POLR1A: variants seen among roughly 807,000 people sequenced by gnomAD.
The protein encoded by POLR1A is RNA polymerase I subunit A, also known as DNA-directed RNA polymerase I subunit RPA1.
POLR1A carries 84 observed loss-of-function variants against 205.3 expected under a neutral mutation model. The observed-to-expected ratio is 0.41, with a 90% confidence interval of 0.34 to 0.49. The LOEUF (loss-of-function observed/expected upper bound fraction) is 0.49, where lower values mean the gene tolerates loss of function less well. Among genes scored for constraint, POLR1A ranks in the 20% least tolerant of loss-of-function variants. The pLI, the probability that POLR1A is intolerant of heterozygous loss-of-function variation, is 0.22. For missense variants in POLR1A, 1,645 were observed against 2,204.5 expected, an observed-to-expected ratio of 0.75 and a Z score of 5.08; for synonymous variants, 799 against 863.7, an observed-to-expected ratio of 0.93 and a Z score of 1.31.
chr2:86,058,088 T>TA (rs554447440), intron 14 of POLR1A, among the ~76,000 whole-genome samples: 1 of 152,002 alleles, frequency 6.6e-6, no homozygotes, highest in Admixed American at 6.6e-5. Flanking sequence ...TACTCTACTC[T>TA]CTCTACTCTA....
At chr2:86,104,442 G>A (rs1157681638) in intron 1 of POLR1A, among the ~76,000 whole-genome samples, 1 of 128,468 alleles carries the variant, frequency 7.8e-6, no homozygotes, top group African/African-American at 2.9e-5. Context: ...GGGATGCCGT[G>A]TTGAGTTTTT....
chr2:86,075,765 C>T (rs1484535664), intron 11 of POLR1A, among the ~76,000 whole-genome samples: 1 of 152,240 alleles, frequency 6.6e-6, no homozygotes, highest in African/African-American at 2.4e-5. Context: ...GCCTCGGCCT[C>T]CCAAAGTGCT....
At chr2:86,031,921 T>C (rs927186354) in intron 29 of POLR1A, among the ~76,000 whole-genome samples, 3 of 152,210 alleles carry the variant, frequency 2.0e-5, no homozygotes, top group African/African-American at 7.2e-5. Flanking sequence ...TCGGCCATTA[T>C]GACAGCAGGA....
chr2:86,092,314 C>A (rs1463299174), intron 3 of POLR1A, among the ~76,000 whole-genome samples: 2 of 152,098 alleles, frequency 1.3e-5, no homozygotes, highest in African/African-American at 4.8e-5. Context: ...CTGTTAGAAA[C>A]GATATTGATT....
At position 86,021,324 on chromosome 2, in the gene POLR1A, T is replaced by A. The variant is rs1447017714; in HGVS notation, c.*6099A>T. On this transcript the variant is annotated 3_prime_UTR_variant, in exon 34 of 34. Transcript: ENST00000263857. The stretch of plus-strand genomic sequence containing the variant: ...GGAAGACCCCAGCTTGCAAAAGACA[T>A]AGAGGCAGCACTGTGACTGGAACTG... 1 of 152,262 alleles carries A rather than the reference T, an allele frequency of 6.6e-6. No individual in the cohort carries two copies. The highest frequency in any genetic ancestry group is 2.4e-5 in the African/African-American group (1 of 41,416). The allele number at this position is 152,262 out of a possible 1,614,324, so 9.4% of individuals were successfully genotyped here.
chr2:86,055,546 G>C (rs1027588390), intron 14 of POLR1A, among the ~76,000 whole-genome samples: 9 of 152,214 alleles, frequency 5.9e-5, no homozygotes, highest in Non-Finnish European at 2.9e-5. Context: ...ACGTCCTGGG[G>C]TGCCTACTTC....
rs752170025 is a variant in POLR1A at position 86,049,196 on chromosome 2, T to C, written c.2439A>G (p.Gln813=). The change falls in exon 17 of 34, where the codon CAA becomes CAG. Residue 813 remains glutamine (Q), a synonymous_variant. Transcript: ENST00000263857. ...LVKPKADVKR[Q]RIIEESTHCG... ...AGTGGGTGGATTCTTCAATGATACG[T>C]TGCCTCTTGACATCTGCCTTTGGCT... The C allele has an allele frequency of 2.5e-6, 4 of 1,614,088 alleles. No homozygotes were observed. Among genetic ancestry groups the C allele is most frequent in the East Asian group, 2.2e-5 (1 of 44,886 alleles).
At chr2:86,097,833 T>C (rs924255138) in intron 3 of POLR1A, among the ~76,000 whole-genome samples, 4 of 152,210 alleles carry the variant, frequency 2.6e-5, no homozygotes, top group South Asian at 2.1e-4. Context: ...TACACCATTA[T>C]AGGATGACCA....
chr2:86,076,597 C>A (rs900281294), intron 11 of POLR1A, among the ~76,000 whole-genome samples: 1 of 152,226 alleles, frequency 6.6e-6, no homozygotes, highest in African/African-American at 2.4e-5. Context: ...AATACCTACG[C>A]CCCAGGCCAC....
In POLR1A at chr2:86,040,571, G is replaced by C. The variant is rs773574055; in HGVS notation, c.3573-12C>G. The stretch of plus-strand genomic sequence containing the variant: ...GCAAGGTCCTCAACCTAGAGACGGT[G>C]GTGGGGGGTCAGGGTGGGGGTTGTG... On this transcript the variant is annotated splice_polypyrimidine_tract_variant and intron_variant, in intron 24 of 33. Transcript: ENST00000263857. 2 of 1,538,580 alleles carry C rather than the reference G, an allele frequency of 1.3e-6. No individual in the cohort carries two copies. Among genetic ancestry groups the C allele is most frequent in the Non-Finnish European group, 1.8e-6 (2 of 1,139,910 alleles).
intron 1 of POLR1A, 65 bp from the exon 2 acceptor site, chr2:86,100,237 A>C: frequency 8.2e-7 from 1 of 1,215,368 alleles, no homozygotes; most frequent in Non-Finnish European, 1.2e-6. Context: ...TTTCCTTTCC[A>C]GCACAAACCT....
chr2:86,065,186 C>T, intron 14 of POLR1A, 88 bp downstream of exon 14: 1 of 1,171,070 alleles, frequency 8.5e-7, no homozygotes, highest in Non-Finnish European at 1.2e-6. Flanking sequence ...TTCTCTGTCT[C>T]TGGTCTGGAC....
intron 8 of POLR1A, 127 bp downstream of exon 8, chr2:86,081,474 T>C (rs1040230502): frequency 8.1e-6 from 5 of 617,530 alleles, no homozygotes; most frequent in Non-Finnish European, 1.4e-5. Flanking sequence ...TCCCACCACC[T>C]GCACCTGGAG....
intron 12 of POLR1A, among the ~76,000 whole-genome samples, chr2:86,074,690 CAGA>C (rs1673247031): frequency 6.6e-6 from 1 of 152,172 alleles, no homozygotes; most frequent in Non-Finnish European, 1.5e-5. Flanking sequence ...CATCAGCATG[CAGA>C]AGAACCCCCT....
intron 14 of POLR1A, among the ~76,000 whole-genome samples, chr2:86,058,251 C>A (rs1001091697): frequency 2.0e-5 from 3 of 152,156 alleles, no homozygotes; most frequent in African/African-American, 4.8e-5. Flanking sequence ...CAGGCATGTG[C>A]CACCATGCCT....
In POLR1A at chr2:86,088,623, T is replaced by C. The variant is rs1028429190; in HGVS notation, c.673A>G (p.Ile225Val). 25 of 1,613,964 alleles carry C rather than the reference T, an allele frequency of 1.5e-5. No homozygotes were observed. Among genetic ancestry groups the C allele is most frequent in the African/African-American group, 2.7e-5 (2 of 74,934 alleles). Residue 225 changes from isoleucine (I) to valine (V), a missense_variant, in exon 6 of 34, where the codon ATC becomes GTC. Around this residue, in one of 16 missense-constraint regions of POLR1A, gnomAD observed 330 missense variants for 375.6 expected, o/e 0.88. Coordinates refer to ENST00000263857, the MANE Select transcript of POLR1A (RefSeq NM_015425.6). ...CTGTGCACCATGGCTGGAAACGTGATAGTCAACTTGCTGTTGTGTTCCTTT... is the reference window on the plus strand; with the variant it reads ...CTGTGCACCATGGCTGGAAACGTGACAGTCAACTTGCTGTTGTGTTCCTTT... ...VRKEHNSKLT[I>V]TFPAMVHRTA... is the part of the protein sequence containing the mutation.
rs1673160269 is a variant in POLR1A, at chr2:86,070,695, T to A, written c.1612-423A>T. On this transcript the variant is annotated intron_variant, in intron 12 of 33. Transcript: ENST00000263857. This position sits in a 1 kb window ranked among gnomAD's most constrained non-coding sequence, Gnocchi z 4.4. Reference sequence around the variant, plus strand: ...TGAAAGGCATTGGCAGACTTTCGAATCCCCCCCCCGCCGTGATCACATGTG... The same window carrying A: ...TGAAAGGCATTGGCAGACTTTCGAAACCCCCCCCCGCCGTGATCACATGTG... Among the ~76,000 whole-genome samples, 1 of 106,796 alleles carries A rather than the reference T, an allele frequency of 9.4e-6. No homozygotes were observed. The highest frequency in any genetic ancestry group is 2.1e-5 in the Non-Finnish European group (1 of 48,094). 70.1% of individuals were successfully genotyped at this position (106,796 alleles called of 152,430 possible). A position where few individuals can be genotyped will look rare whatever the true frequency, so the allele number is the denominator to read the frequency against.
intron 19 of POLR1A, 70 bp from the exon 20 acceptor site, chr2:86,045,839 G>A (rs1672701056): frequency 7.2e-7 from 1 of 1,392,846 alleles, no homozygotes; most frequent in African/African-American, 1.5e-5. Context: ...GTCCCAGCAG[G>A]GAAAGTATAA....
chr2:86,069,054 C>G (rs311571), intron 13 of POLR1A, among the ~76,000 whole-genome samples: 125,658 of 152,230 alleles, frequency 0.83, 52,554 homozygotes, highest in Non-Finnish European at 0.89. Context: ...TTACACGAAT[C>G]CTTCAAGTGT....
Sources: allele counts gnomAD v4.1 joint callset (sites outside exome capture counted in the v4.1 genomes callset), GRCh38; gene constraint gnomAD v4.1.1; regional missense constraint gnomAD v4.1.1; non-coding constraint Gnocchi (gnomAD v3.1); transcripts MANE v1.5; gene names NCBI Gene and HGNC (gene_info 2026-07-23, HGNC 2026-07-21).